Variants in CD163L1 observed in about 807,000 individuals in gnomAD.
The protein encoded by CD163L1 is CD163 molecule like 1, also known as scavenger receptor cysteine-rich type 1 protein M160.
CD163L1 carries 124 observed loss-of-function variants against 165.4 expected under a neutral mutation model. The observed-to-expected ratio is 0.75, with a 90% confidence interval of 0.65 to 0.87. CD163L1 has a LOEUF of 0.87. Ranked by LOEUF, CD163L1 falls within the 40% of genes least tolerant of loss-of-function variation. CD163L1 has a pLI of 0.00. For missense variants in CD163L1, 1,525 were observed against 1,799.9 expected (o/e 0.85, Z 2.76); for synonymous variants, 585 against 662.2 (o/e 0.88, Z 1.79).
At position 7,374,455 on chromosome 12, in the gene CD163L1, C is replaced by A; in HGVS notation, c.3396G>T (p.Gly1132=). 5.0e-6 allele frequency: 8 copies of A among 1,612,110 alleles called. No homozygotes were observed. The highest frequency in any genetic ancestry group is 6.8e-6 in the Non-Finnish European group (8 of 1,179,086). The change falls in exon 13 of 20, where the codon GGG becomes GGT. Residue 1132 remains glycine (G), a synonymous_variant. Transcript: ENST00000313599. The surrounding 1 kb of genome is among the most constrained non-coding windows in gnomAD (Gnocchi z 5.4). ...QHDCRHKEDA[G]VICSEFTALR... ...AGCAGCACAGACCTGAGCAGATGAC[C>A]CCTGCGTCCTCCTTGTGCCTGCAGT...
intron 2 of CD163L1, chr12:7,438,874 C>T: frequency 2.5e-6 from 4 of 1,583,214 alleles, no homozygotes; most frequent in Non-Finnish European, 3.5e-6. Context: ...GCTTCTCTAA[C>T]TCTGCAGCAC....
intron 4 of CD163L1, among the ~76,000 whole-genome samples, chr12:7,421,687 A>G (rs1226086676): frequency 5.6e-5 from 8 of 142,898 alleles, no homozygotes; most frequent in African/African-American, 2.1e-4. Flanking sequence ...ATATGTACAT[A>G]TACATATATG....
At chr12:7,319,047 G>A in the CD163L1 span, among the ~76,000 whole-genome samples, 9 of 152,144 alleles carry the variant, frequency 5.9e-5, no homozygotes, top group Non-Finnish European at 1.0e-4. Flanking sequence ...AAATTATAAT[G>A]TATAACGAAA....
downstream of CD163L1, among the ~76,000 whole-genome samples, chr12:7,343,223 A>G (rs1946648853): frequency 6.6e-6 from 1 of 152,204 alleles, no homozygotes; most frequent in South Asian, 2.1e-4. Flanking sequence ...TAGAAATGTT[A>G]AAGTCTGGTG....
the CD163L1 span, chr12:7,323,163 T>A: frequency 7.1e-7 from 1 of 1,401,502 alleles, no homozygotes; most frequent in Non-Finnish European, 9.8e-7. Context: ...CAAATCTTAA[T>A]TTTCATTGCC....
downstream of CD163L1, among the ~76,000 whole-genome samples, chr12:7,343,451 T>C (rs915426033): frequency 6.6e-6 from 1 of 152,184 alleles, no homozygotes; most frequent in African/African-American, 2.4e-5. Context: ...TTCTGCAGGA[T>C]GTACAGGAAG....
chr12:7,432,518 T>C lies in CD163L1; in HGVS notation c.664A>G (p.Ile222Val), dbSNP rs747962153. The C allele has an allele frequency of 1.2e-6, 2 of 1,614,118 alleles. No homozygotes were observed. Among genetic ancestry groups the C allele is most frequent in the South Asian group, 2.2e-5 (2 of 91,076 alleles). The change falls in exon 4 of 20, where the codon ATT (isoleucine) becomes GTT (valine). Residue 222 changes from isoleucine to valine, a missense_variant. Coordinates refer to ENST00000313599, the MANE Select transcript of CD163L1 (RefSeq NM_174941.6). The surrounding 1 kb of genome is among the most constrained non-coding windows in gnomAD (Gnocchi z 4.2). ...AVLRPIWLDDILCQGNELALW... is the reference protein window; with the variant it reads ...AVLRPIWLDDVLCQGNELALW... Reference sequence around the variant, plus strand: ...GCCAACTCATTCCCCTGGCATAAAATGTCATCCAGCCAAATGGGGCGCAAT... The same window carrying C: ...GCCAACTCATTCCCCTGGCATAAAACGTCATCCAGCCAAATGGGGCGCAAT...
intron 4 of CD163L1, among the ~76,000 whole-genome samples, chr12:7,411,331 C>T (rs927899828): frequency 6.6e-6 from 1 of 152,070 alleles, no homozygotes; most frequent in African/African-American, 2.4e-5. Flanking sequence ...ATTATGATTA[C>T]CATTATTATT....
rs1235983106 is a variant in CD163L1 at position 7,406,863 on chromosome 12, G to A, written c.767-11C>T. The stretch of plus-strand genomic sequence containing the variant: ...CAAGATCACTACTATCTGAAACAGA[G>A]ATATAAACACAAAGCCCAGGTGAAG... On this transcript the variant is annotated splice_polypyrimidine_tract_variant and intron_variant, in intron 4 of 19. Coordinates refer to ENST00000313599, the MANE Select transcript of CD163L1 (RefSeq NM_174941.6). 6.2e-7 allele frequency: 1 copy of A among 1,609,758 alleles called. No individual in the cohort carries two copies. The highest frequency in any genetic ancestry group is 1.7e-5 in the Admixed American group (1 of 58,824).
chr12:7,436,516 A>G (rs1948714680), intron 2 of CD163L1, among the ~76,000 whole-genome samples: 1 of 152,166 alleles, frequency 6.6e-6, no homozygotes, highest in South Asian at 2.1e-4. Flanking sequence ...TCATGTCTGT[A>G]ATTTCAACAC....
intron 2 of CD163L1, among the ~76,000 whole-genome samples, chr12:7,440,563 A>G (rs1451399982): frequency 6.6e-6 from 1 of 151,810 alleles, no homozygotes; most frequent in East Asian, 1.9e-4. Flanking sequence ...TTCTATTTGC[A>G]AAAATACAAT....
chr12:7,391,705 C>T (rs567469287), intron 8 of CD163L1, among the ~76,000 whole-genome samples: 3 of 152,050 alleles, frequency 2.0e-5, no homozygotes, highest in African/African-American at 7.2e-5. Context: ...CACACATAGG[C>T]TCAAAATAAA....
Position 7,408,973 on chromosome 12 carries a change from G to T in CD163L1, c.767-2121C>A, listed in dbSNP as rs781368379. ...CCAGTCATCCAAGGGAAAAAAAGAAGAAATAAAGAAGAATCATACTTCTCA... is the reference window on the plus strand; with the variant it reads ...CCAGTCATCCAAGGGAAAAAAAGAATAAATAAAGAAGAATCATACTTCTCA... On this transcript the variant is annotated intron_variant, in intron 4 of 19. Transcript: ENST00000313599. Among the ~76,000 whole-genome samples the T allele has an allele frequency of 3.9e-5, 6 of 152,230 alleles. No homozygotes were observed. In the South Asian group the frequency reaches 1.2e-3, roughly 32 times the overall value.
At position 7,433,621 on chromosome 12, in the gene CD163L1, C is replaced by T; in HGVS notation, c.198G>A (p.Gln66=). 6.2e-7 allele frequency: 1 copy of T among 1,614,074 alleles called. No homozygotes were observed. The highest frequency in any genetic ancestry group is 1.6e-4 in the Middle Eastern group (1 of 6,062). ...PCSGTVEVKF[Q]GQWGTVCDDG... ...CATCACACACAGTCCCCCACTGTCC[C>T]TGGAATTTCACCTCCACTGTCCCAG... Residue 66 remains glutamine (Q), a synonymous_variant, in exon 3 of 20, where the codon CAG becomes CAA. Coordinates refer to ENST00000313599, the MANE Select transcript of CD163L1 (RefSeq NM_174941.6).
chr12:7,373,000 GAC>G lies in CD163L1; in HGVS notation c.3730+318_3730+319del, dbSNP rs1255325157. On this transcript the variant is annotated intron_variant, in intron 14 of 19. Coordinates refer to ENST00000313599, the MANE Select transcript of CD163L1 (RefSeq NM_174941.6). The surrounding 1 kb of genome is among the most constrained non-coding windows in gnomAD (Gnocchi z 4.2). Reference sequence around the variant, plus strand: ...GTTCTGAGCTTTCTAGAATTTCTAAGACAGTATACATATTATATTTTTCATTT... The same window carrying G: ...GTTCTGAGCTTTCTAGAATTTCTAAGAGTATACATATTATATTTTTCATTT... 6.6e-6 allele frequency among the ~76,000 whole-genome samples: 1 copy of G among 152,036 alleles called. No homozygotes were observed. Among genetic ancestry groups the G allele is most frequent in the African/African-American group, 2.4e-5 (1 of 41,394 alleles).
At chr12:7,408,272 G>A (rs1166995710) in intron 4 of CD163L1, among the ~76,000 whole-genome samples, 5 of 151,934 alleles carry the variant, frequency 3.3e-5, no homozygotes, top group African/African-American at 1.2e-4. Flanking sequence ...GTATGCATTT[G>A]TGTGTGTACA....
chr12:7,323,143 C>T, the CD163L1 span: 9 of 1,243,482 alleles, frequency 7.2e-6, no homozygotes, highest in Non-Finnish European at 1.0e-5. Flanking sequence ...CCAGGAAAAT[C>T]AGTCAAAATC....
At position 7,375,994 on chromosome 12, in the gene CD163L1, C is replaced by A; in HGVS notation, c.2392G>T (p.Val798Phe). The part of the protein sequence containing the change: ...ICSAHRQPRL[V>F]GADMPCSGRV... ...CCAGAGCAGGGCATATCAGCTCCAA[C>A]CAGCCTGGGCTGCCTGTGGGCTATA... Residue 798 changes from valine (V) to phenylalanine (F), a missense_variant, in exon 10 of 20, where the codon GTT becomes TTT. Physicochemically the swap from Val to Phe is conservative, Grantham distance 50. Coordinates refer to ENST00000313599, the MANE Select transcript of CD163L1 (RefSeq NM_174941.6). 1 of 1,613,748 alleles carries A rather than the reference C, an allele frequency of 6.2e-7. No individual in the cohort carries two copies. Among genetic ancestry groups the A allele is most frequent in the Non-Finnish European group, 8.5e-7 (1 of 1,179,740 alleles).
chr12:7,322,851 G>C, the CD163L1 span, among the ~76,000 whole-genome samples: 1 of 152,122 alleles, frequency 6.6e-6, no homozygotes, highest in Non-Finnish European at 1.5e-5. Flanking sequence ...CTCTGAGAGC[G>C]TCCATGGGAA....
Sources: gnomAD v4.1 joint callset for allele counts (sites outside exome capture counted in the v4.1 genomes callset) on GRCh38, gnomAD v4.1.1 for gene constraint, Gnocchi (gnomAD v3.1) non-coding constraint, MANE v1.5 for transcripts, NCBI Gene and HGNC (gene_info 2026-07-23, HGNC 2026-07-21) for gene names.